The following FMN2 variants were observed in gnomAD, a reference collection of about 807,000 sequenced individuals.
FMN2 encodes the protein formin-2.
FMN2 carries 51 observed loss-of-function variants against 142.3 expected under a neutral mutation model. That is an observed-to-expected ratio of 0.36 (90% CI 0.29 to 0.45). The LOEUF (loss-of-function observed/expected upper bound fraction) is 0.45, where lower values mean the gene tolerates loss of function less well. FMN2 is among the 20% of genes least tolerant of loss of function. The probability of loss-of-function intolerance (pLI) is 1.00; values close to 1 mark genes in which losing one functional copy is unlikely to be tolerated. For synonymous variants in FMN2, 882 were observed against 869.8 expected, an observed-to-expected ratio of 1.01 and a Z score of -0.25; for missense variants, 1,936 against 2,122.8, an observed-to-expected ratio of 0.91 and a Z score of 1.73.
intron 2 of FMN2, among the ~76,000 whole-genome samples, chr1:240,131,202 C>T (rs1662720813): frequency 6.6e-6 from 1 of 152,124 alleles, no homozygotes; most frequent in Non-Finnish European, 1.5e-5. Flanking sequence ...ACGAATAAAG[C>T]ATTTTGCACA....
intron 1 of FMN2, among the ~76,000 whole-genome samples, chr1:240,109,061 AC>A (rs983030765): frequency 6.6e-6 from 1 of 152,046 alleles, no homozygotes; most frequent in African/African-American, 2.4e-5. Flanking sequence ...AACCCAAAAA[AC>A]CCACATGCAC....
chr1:240,207,544 C>T lies in FMN2; in HGVS notation c.2732C>T (p.Pro911Leu), dbSNP rs1410153050. The T allele has an allele frequency of 2.5e-6, 4 of 1,613,418 alleles. No individual in the cohort carries two copies. The highest frequency in any genetic ancestry group is 2.7e-5 in the African/African-American group (2 of 74,788). ...CAGGGTACAGAAATGCTGCCACCCC[C>T]TCCCCCTCCTCTTCCCGGAGCGGGC... ...PLQGTEMLPP[P>L]PPPLPGAGIP... is the part of the protein sequence containing the mutation. The change falls in exon 5 of 18, where the codon CCT (proline) becomes CTT (leucine). Residue 911 changes from proline to leucine, a missense_variant. By Grantham distance (98) the Pro-to-Leu change is moderately conservative. Coordinates refer to ENST00000319653, the MANE Select transcript of FMN2 (RefSeq NM_020066.5).
intron 13 of FMN2, among the ~76,000 whole-genome samples, chr1:240,344,411 G>A (rs1671836702): frequency 1.3e-5 from 2 of 152,150 alleles, no homozygotes; most frequent in Non-Finnish European, 2.9e-5. Flanking sequence ...CAGAAGCTTT[G>A]AAAGAAACAT....
At chr1:240,246,342 C>T (rs531580358) in intron 6 of FMN2, among the ~76,000 whole-genome samples, 1 of 152,248 alleles carries the variant, frequency 6.6e-6, no homozygotes, top group East Asian at 1.9e-4. Flanking sequence ...TGGCTGTAAT[C>T]CCAGCCACTT....
chr1:240,197,298 C>T lies in FMN2; in HGVS notation c.1986+9036C>T, dbSNP rs139327654. On this transcript the variant is annotated intron_variant, in intron 4 of 17. Coordinates refer to ENST00000319653, the MANE Select transcript of FMN2 (RefSeq NM_020066.5). ...AGGGTGGTGCTCCCCTTTTCCCAAG[C>T]CTCTCCCCATCCATCTCTTCATCTG... is the stretch of plus-strand genomic sequence containing the variant. Among the ~76,000 whole-genome samples, 48 of 152,318 alleles carry T rather than the reference C, an allele frequency of 3.2e-4. No homozygotes were observed. The East Asian group carries it at 8.7e-3, about 28-fold the overall frequency.
chr1:240,233,237 C>T (rs1458104014), intron 6 of FMN2, among the ~76,000 whole-genome samples: 16 of 151,930 alleles, frequency 1.1e-4, no homozygotes, highest in South Asian at 6.2e-4. Flanking sequence ...AAAAATTATC[C>T]GGGCTTGGTG....
intron 13 of FMN2, among the ~76,000 whole-genome samples, chr1:240,352,505 C>A (rs116154839): frequency 0.038 from 5,776 of 152,110 alleles, 369 homozygotes; most frequent in African/African-American, 0.13. Context: ...TCGCTTGAAC[C>A]GGGAGATGGA....
chr1:240,226,207 CATAG>C (rs1667292025), intron 6 of FMN2, among the ~76,000 whole-genome samples: 1 of 148,290 alleles, frequency 6.7e-6, no homozygotes, highest in African/African-American at 2.5e-5. Flanking sequence ...ATGAATTCCT[CATAG>C]ATAAACATAA....
chr1:240,410,061 C>T (rs920483963), intron 15 of FMN2, among the ~76,000 whole-genome samples: 10 of 151,204 alleles, frequency 6.6e-5, no homozygotes, highest in East Asian at 3.9e-4. Flanking sequence ...ATAAGCTGAA[C>T]ATTTGATGCA....
chr1:240,296,357 G>T (rs932496318), intron 8 of FMN2, among the ~76,000 whole-genome samples: 1 of 150,238 alleles, frequency 6.7e-6, no homozygotes, highest in Non-Finnish European at 1.5e-5. Context: ...TAGTAATAAA[G>T]CAGGTTGTTT....
Position 240,329,354 on chromosome 1 carries a change from G to A in FMN2, c.4323G>A (p.Leu1441=), listed in dbSNP as rs775881865. 1.3e-5 allele frequency: 21 copies of A among 1,612,944 alleles called. No individual in the cohort carries two copies. Among genetic ancestry groups the A allele is most frequent in the Non-Finnish European group, 5.1e-6 (6 of 1,179,790 alleles). ...ATTTCCTTAGGTTCCTTTATGAACT[G>A]TCACTAATCCCCAACTTTTCAGAGC... ...LDKPEQFLYE[L]SLIPNFSERV... Residue 1441 remains leucine (L), a synonymous_variant, in exon 10 of 18, where the codon CTG becomes CTA. Transcript: ENST00000319653.
At chr1:240,300,409 A>G (rs910154607) in intron 8 of FMN2, among the ~76,000 whole-genome samples, 4 of 152,322 alleles carry the variant, frequency 2.6e-5, no homozygotes, top group Admixed American at 6.5e-5. Context: ...CCAACTTACA[A>G]ATATAGGAAC....
chr1:240,167,343 A>AGTGGT (rs3047197), intron 2 of FMN2, among the ~76,000 whole-genome samples: 46,396 of 151,494 alleles, frequency 0.31, 7,564 homozygotes, highest in African/African-American at 0.44. Context: ...GCTGAAGTAC[A>AGTGGT]GTGATCACAG....
chr1:240,369,617 G>T (rs1672795803), intron 14 of FMN2, among the ~76,000 whole-genome samples: 2 of 152,092 alleles, frequency 1.3e-5, no homozygotes, highest in African/African-American at 4.8e-5. Context: ...TTTAGCAATA[G>T]ATTTGCTAAT....
At chr1:240,199,982 C>G (rs1163264365) in intron 4 of FMN2, among the ~76,000 whole-genome samples, 1 of 152,146 alleles carries the variant, frequency 6.6e-6, no homozygotes, top group East Asian at 1.9e-4. Context: ...GAGTGAGAGT[C>G]TTTCTGAAAA....
At chr1:240,352,227 G>A (rs532092402) in intron 13 of FMN2, among the ~76,000 whole-genome samples, 10 of 152,254 alleles carry the variant, frequency 6.6e-5, no homozygotes, top group South Asian at 2.1e-4. Context: ...AGTTCTGTTC[G>A]TGGCAGTCTT....
At chr1:240,121,679 G>A (rs979353828) in intron 1 of FMN2, among the ~76,000 whole-genome samples, 2 of 134,180 alleles carry the variant, frequency 1.5e-5, no homozygotes, top group African/African-American at 5.6e-5. Flanking sequence ...GTGAGCCACC[G>A]CGCCTGGCCC....
chr1:240,095,033 A>G (rs1661149200), intron 1 of FMN2, among the ~76,000 whole-genome samples: 2 of 152,084 alleles, frequency 1.3e-5, no homozygotes, highest in South Asian at 2.1e-4. Flanking sequence ...TTTATTGTGT[A>G]GATTGTTAAA....
intron 14 of FMN2, among the ~76,000 whole-genome samples, chr1:240,367,406 A>G (rs866967992): frequency 2.0e-5 from 3 of 152,254 alleles, no homozygotes; most frequent in African/African-American, 7.2e-5. Context: ...ATTGATTTTA[A>G]AAGTTCTTTA....
Sources: allele counts gnomAD v4.1 joint callset (sites outside exome capture counted in the v4.1 genomes callset), GRCh38; gene constraint gnomAD v4.1.1; transcripts MANE v1.5; gene names NCBI Gene and HGNC (gene_info 2026-07-23, HGNC 2026-07-21).